Variants in CD101 observed in about 807,000 individuals in gnomAD.
CD101 encodes the protein immunoglobulin superfamily member 2.
CD101 carries 76 observed loss-of-function variants against 98.2 expected under a neutral mutation model. The ratio of observed to expected loss-of-function variants is 0.77; its 90% CI spans 0.64 to 0.94. The LOEUF is 0.94. CD101 is among the 40% of genes least tolerant of loss of function. CD101 has a pLI of 0.00. For synonymous variants in CD101, 471 were observed against 472.7 expected (o/e 1.00, Z 0.05); for missense variants, 1,145 against 1,218.8 (o/e 0.94, Z 0.90).
rs777517233 is a variant in CD101 at position 117,010,264 on chromosome 1, C to T, written c.424+34C>T. 2 of 1,577,386 alleles carry T rather than the reference C, an allele frequency of 1.3e-6. No homozygotes were observed. Among genetic ancestry groups the T allele is most frequent in the Admixed American group, 3.5e-5 (2 of 57,486 alleles). On this transcript the variant is annotated intron_variant, in intron 2 of 9. Coordinates refer to ENST00000682167, the MANE Select transcript of CD101 (RefSeq NM_001256106.3). The surrounding 1 kb of genome is among the most constrained non-coding windows in gnomAD (Gnocchi z 5.2). ...CTTGTCCACTTCTGCTAGCCAGCCC[C>T]TGAGAAGCCAGAGTCTCCACCATGA...
chr1:117,017,237 T>C lies in CD101; in HGVS notation c.1376T>C (p.Phe459Ser). ...CCACGGGACCAGACACAGCCCGAGT[T>C]TGTGGCTGGCATGGGGCAGGATGGC... is the stretch of plus-strand genomic sequence containing the variant. ...HIPRDQTQPE[F>S]VAGMGQDGIV... Residue 459 changes from phenylalanine to serine, a missense_variant, in exon 5 of 10, where the codon TTT becomes TCT. Phe to Ser is a radical substitution (Grantham distance 155). Coordinates refer to ENST00000682167, the MANE Select transcript of CD101 (RefSeq NM_001256106.3). The C allele has an allele frequency of 6.2e-7, 1 of 1,614,172 alleles. No individual in the cohort carries two copies. The highest frequency in any genetic ancestry group is 8.5e-7 in the Non-Finnish European group (1 of 1,180,018).
At position 117,018,528 on chromosome 1, in the gene CD101, C is replaced by G. The variant is rs754646437; in HGVS notation, c.1985C>G (p.Ser662Cys). Residue 662 changes from serine (S) to cysteine (C), a missense_variant, in exon 6 of 10, where the codon TCT becomes TGT. Ser to Cys is a moderately radical substitution (Grantham distance 112). Coordinates refer to ENST00000682167, the MANE Select transcript of CD101 (RefSeq NM_001256106.3). This position sits in a 1 kb window ranked among gnomAD's most constrained non-coding sequence, Gnocchi z 4.3. Reference protein sequence around the residue: ...NNRPPRASAISHPLRIAVTLP... With the variant: ...NNRPPRASAICHPLRIAVTLP... ...CGCCCCCCGAGGGCTTCTGCCATCT[C>G]TCACCCACTGAGGATAGCCGTCACT... 4.4e-6 allele frequency: 7 copies of G among 1,607,560 alleles called. No homozygotes were observed. The highest frequency in any genetic ancestry group is 3.4e-5 in the Admixed American group (2 of 59,698).
intron 4 of CD101, among the ~76,000 whole-genome samples, 199 bp from the exon 5 acceptor site, chr1:117,016,891 C>T (rs1254830205): frequency 6.6e-6 from 1 of 152,154 alleles, no homozygotes; most frequent in Non-Finnish European, 1.5e-5. Context: ...TGAATACATC[C>T]TCCGATATTC....
intron 8 of CD101, among the ~76,000 whole-genome samples, chr1:117,032,729 G>T (rs555444637): frequency 3.4e-4 from 52 of 152,174 alleles, no homozygotes; most frequent in Non-Finnish European, 6.6e-4. Context: ...TTAGTAATTG[G>T]TCTCTTTAAG....
At chr1:117,009,540 T>G (rs1377376287) in intron 1 of CD101, among the ~76,000 whole-genome samples, 5 of 152,284 alleles carry the variant, frequency 3.3e-5, no homozygotes, top group African/African-American at 1.2e-4. Flanking sequence ...ATACATTTAT[T>G]TGCTTTAAAA....
rs1014190582 is a variant in CD101, at chr1:117,004,820, A to G, written c.43+2960A>G. On this transcript the variant is annotated intron_variant, in intron 1 of 9. Transcript: ENST00000682167. The surrounding 1 kb of genome is among the most constrained non-coding windows in gnomAD (Gnocchi z 4.1). ...TCTTTCACTTTTCTCAGAAAGTAGTATGTCTTAGACTGTTTGGCGTGTTGT... is the reference window on the plus strand; with the variant it reads ...TCTTTCACTTTTCTCAGAAAGTAGTGTGTCTTAGACTGTTTGGCGTGTTGT... 2.2e-5 allele frequency among the ~76,000 whole-genome samples: 3 copies of G among 134,166 alleles called. No individual in the cohort carries two copies. Among genetic ancestry groups the G allele is most frequent in the African/African-American group, 2.8e-5 (1 of 35,980 alleles). The allele number at this position is 134,166 out of a possible 152,430, so 88.0% of individuals were successfully genotyped here. A position where few individuals can be genotyped will look rare whatever the true frequency, so the allele number is the denominator to read the frequency against.
chr1:117,011,973 A>T lies in CD101; in HGVS notation c.841+7A>T, dbSNP rs767938011. On this transcript the variant is annotated splice_region_variant and intron_variant, in intron 3 of 9. Coordinates refer to ENST00000682167, the MANE Select transcript of CD101 (RefSeq NM_001256106.3). ...CTGAGGATCCAGCCAGCAGGTAATTATCTTCCTACGAAATTCATTAATACA... is the reference window on the plus strand; with the variant it reads ...CTGAGGATCCAGCCAGCAGGTAATTTTCTTCCTACGAAATTCATTAATACA... 8 of 1,605,302 alleles carry T rather than the reference A, an allele frequency of 5.0e-6. No individual in the cohort carries two copies. The South Asian group carries it at 7.7e-5, about 16-fold the overall frequency.
rs775167625 is a variant in CD101 at position 117,021,846 on chromosome 1, A to G, written c.2291A>G (p.His764Arg). Residue 764 changes from histidine (H) to arginine (R), a missense_variant, in exon 7 of 10, where the codon CAC becomes CGC. His to Arg is a conservative substitution (Grantham distance 29). Coordinates refer to ENST00000682167, the MANE Select transcript of CD101 (RefSeq NM_001256106.3). This position sits in a 1 kb window ranked among gnomAD's most constrained non-coding sequence, Gnocchi z 4.7. ...GTTTCCCAAGACTTATTTCAGCTGC[A>G]CATTCTGAATGTGGAAGACAGCGAT... ...EKVSQDLFQLHILNVEDSDRG... is the reference protein window; with the variant it reads ...EKVSQDLFQLRILNVEDSDRG... The G allele has an allele frequency of 6.2e-7, 1 of 1,614,224 alleles. No homozygotes were observed. The highest frequency in any genetic ancestry group is 1.1e-5 in the South Asian group (1 of 91,088).
rs757875863 is a variant in CD101, at chr1:117,010,025, TA to T, written c.220del (p.Ser74AlafsTer40). ...TNPTQEVQIISTKDAAFSYAV... is the reference protein window; with the variant it reads ...TNPTQEVQIIXTKDAAFSYAV... Reference sequence around the variant, plus strand: ...ACCCGACCCAGGAAGTCCAGATCATTAGCACCAAGGATGCTGCCTTCTCTTA... The same window carrying T: ...ACCCGACCCAGGAAGTCCAGATCATTGCACCAAGGATGCTGCCTTCTCTTA... On this transcript the variant is annotated frameshift_variant, in exon 2 of 10. Transcript: ENST00000682167. LOFTEE classifies it high-confidence loss of function. The surrounding 1 kb of genome is among the most constrained non-coding windows in gnomAD (Gnocchi z 5.2). The T allele has an allele frequency of 6.2e-7, 1 of 1,614,048 alleles. No individual in the cohort carries two copies. Among genetic ancestry groups the T allele is most frequent in the African/African-American group, 1.3e-5 (1 of 74,918 alleles).
chr1:117,033,980 G>A lies in CD101; in HGVS notation c.2945G>A (p.Arg982Lys), dbSNP rs978405822. 1 of 1,614,162 alleles carries A rather than the reference G, an allele frequency of 6.2e-7. No homozygotes were observed. Among genetic ancestry groups the A allele is most frequent in the Non-Finnish European group, 8.5e-7 (1 of 1,180,034 alleles). ...ISLLCLYWKA[R>K]KLSTLRSNTR... ...CTCCTCTGCTTATACTGGAAGGCCA[G>A]GAAGTTGTCAACACTGCGTTCCAAC... The change falls in exon 9 of 10, where the codon AGG becomes AAG. Residue 982 changes from arginine (R) to lysine (K), a missense_variant. By Grantham distance (26) the Arg-to-Lys change is conservative. Coordinates refer to ENST00000682167, the MANE Select transcript of CD101 (RefSeq NM_001256106.3). The surrounding 1 kb of genome is among the most constrained non-coding windows in gnomAD (Gnocchi z 4.8).
At chr1:117,008,901 C>T (rs1652706534) in intron 1 of CD101, among the ~76,000 whole-genome samples, 1 of 152,190 alleles carries the variant, frequency 6.6e-6, no homozygotes, top group African/African-American at 2.4e-5. Context: ...TTTTACAGTA[C>T]CCTGGGCCCC....
In CD101 at chr1:117,018,636, C is replaced by A; in HGVS notation, c.2017+76C>A. The A allele has an allele frequency of 7.4e-7, 1 of 1,352,104 alleles. No individual in the cohort carries two copies. The highest frequency in any genetic ancestry group is 1.0e-6 in the Non-Finnish European group (1 of 991,352). The allele number at this position is 1,352,104 out of a possible 1,614,324, so 83.8% of individuals were successfully genotyped here. On this transcript the variant is annotated intron_variant, in intron 6 of 9. Transcript: ENST00000682167. The surrounding 1 kb of genome is among the most constrained non-coding windows in gnomAD (Gnocchi z 4.3). ...TCCTCCCATTTTGGGTAAGTTATAA[C>A]AATAAAACATAAAATACTTTCTCCC...
chr1:117,029,193 A>AG (rs1557778778), intron 8 of CD101, among the ~76,000 whole-genome samples: 29 of 69,258 alleles, frequency 4.2e-4, no homozygotes, highest in Admixed American at 1.4e-3. Flanking sequence ...GAAAGAAAGA[A>AG]AGAAAGAAAG....
intron 1 of CD101, among the ~76,000 whole-genome samples, chr1:117,003,647 C>A (rs1457434018): frequency 1.3e-5 from 2 of 152,256 alleles, no homozygotes; most frequent in Middle Eastern, 6.8e-3. Flanking sequence ...AATTCTGTCT[C>A]TTTTTTTGGT....
Position 117,013,301 on chromosome 1 carries a change from A to G in CD101, c.842-105A>G. 5 of 1,350,852 alleles carry G rather than the reference A, an allele frequency of 3.7e-6. No homozygotes were observed. In the East Asian group the frequency reaches 1.2e-4, roughly 31 times the overall value. The allele number at this position is 1,350,852 out of a possible 1,614,324, so 83.7% of individuals were successfully genotyped here. A position where few individuals can be genotyped will look rare whatever the true frequency, so the allele number is the denominator to read the frequency against. ...GCTATAGAATTGAACTCCCACATAAAATGTGATCCCTGTGACATCCTTACA... is the reference window on the plus strand; with the variant it reads ...GCTATAGAATTGAACTCCCACATAAGATGTGATCCCTGTGACATCCTTACA... On this transcript the variant is annotated intron_variant, in intron 3 of 9. Coordinates refer to ENST00000682167, the MANE Select transcript of CD101 (RefSeq NM_001256106.3).
chr1:117,021,757 T>C lies in CD101; in HGVS notation c.2202T>C (p.Asn734=), dbSNP rs780831166. The part of the protein sequence containing the change: ...WLKILEMDQT[N]VIKTGDEFHT... Reference sequence around the variant, plus strand: ...AGATCCTGGAGATGGACCAAACCAATGTTATAAAAACTGGGGATGAGTTTC... The same window carrying C: ...AGATCCTGGAGATGGACCAAACCAACGTTATAAAAACTGGGGATGAGTTTC... The change falls in exon 7 of 10, where the codon AAT becomes AAC. Residue 734 remains asparagine, a synonymous_variant. Transcript: ENST00000682167. This position sits in a 1 kb window ranked among gnomAD's most constrained non-coding sequence, Gnocchi z 4.7. The C allele has an allele frequency of 1.9e-6, 3 of 1,614,060 alleles. No individual in the cohort carries two copies. The highest frequency in any genetic ancestry group is 2.5e-6 in the Non-Finnish European group (3 of 1,180,004).
chr1:117,008,129 T>G (rs1221718609), intron 1 of CD101, among the ~76,000 whole-genome samples: 2 of 152,214 alleles, frequency 1.3e-5, no homozygotes, highest in Admixed American at 6.5e-5. Flanking sequence ...GATATAAATA[T>G]GTCACATTAA....
rs779030895 is a variant in CD101, at chr1:117,011,917, C to T, written c.792C>T (p.Phe264=). The part of the protein sequence containing the change: ...WIQDPDETWM[F]ITKKQTDQTT... ...AGGATCCAGATGAAACTTGGATGTT[C>T]ATCACCAAAAAGCAGACCGATCAAA... Residue 264 remains phenylalanine, a synonymous_variant, in exon 3 of 10, where the codon TTC becomes TTT. Transcript: ENST00000682167. The T allele has an allele frequency of 8.7e-6, 14 of 1,613,886 alleles. No homozygotes were observed. Among genetic ancestry groups the T allele is most frequent in the Non-Finnish European group, 1.2e-5 (14 of 1,179,988 alleles).
rs1653007606 is a variant in CD101, at chr1:117,013,485, A to G, written c.921A>G (p.Val307=). 4 of 1,614,144 alleles carry G rather than the reference A, an allele frequency of 2.5e-6. No homozygotes were observed. Among genetic ancestry groups the G allele is most frequent in the Non-Finnish European group, 3.4e-6 (4 of 1,180,020 alleles). ...GKPLELVCLV[V]SSGRDPQLQG... ...CCTTAGAACTGGTTTGCCTGGTTGT[A>G]AGCAGTGGCCGTGACCCACAGCTTC... Residue 307 remains valine (V), a synonymous_variant, in exon 4 of 10, where the codon GTA becomes GTG. Coordinates refer to ENST00000682167, the MANE Select transcript of CD101 (RefSeq NM_001256106.3).
Sources: gnomAD v4.1 joint callset for allele counts (sites outside exome capture counted in the v4.1 genomes callset) on GRCh38, gnomAD v4.1.1 for gene constraint, Gnocchi (gnomAD v3.1) non-coding constraint, MANE v1.5 for transcripts, NCBI Gene and HGNC (gene_info 2026-07-23, HGNC 2026-07-21) for gene names.